CCDC80: variants seen among roughly 807,000 people sequenced by gnomAD.
The protein encoded by CCDC80 is coiled-coil domain-containing protein 80.
CCDC80 carries 49 observed loss-of-function variants against 78.7 expected under a neutral mutation model. That is an observed-to-expected ratio of 0.62 (90% CI 0.50 to 0.79). CCDC80 has a LOEUF of 0.79. Ranked by LOEUF, CCDC80 falls within the 30% of genes least tolerant of loss-of-function variation. The pLI, the probability that CCDC80 is intolerant of heterozygous loss-of-function variation, is 0.00. For missense variants in CCDC80, 1,205 were observed against 1,198.6 expected (o/e 1.01, Z -0.08); for synonymous variants, 488 against 447.0 (o/e 1.09, Z -1.16).
At position 112,638,684 on chromosome 3, in the gene CCDC80, G is replaced by T. The variant is rs1266372333; in HGVS notation, c.1222C>A (p.Pro408Thr). 10 of 1,614,034 alleles carry T rather than the reference G, an allele frequency of 6.2e-6. No individual in the cohort carries two copies. Among genetic ancestry groups the T allele is most frequent in the Admixed American group, 5.0e-5 (3 of 60,022 alleles). The change falls in exon 2 of 8, where the codon CCC becomes ACC. Residue 408 changes from proline (P) to threonine (T), a missense_variant. By Grantham distance (38) the Pro-to-Thr change is conservative (BLOSUM62 -1). Coordinates refer to ENST00000206423, the MANE Select transcript of CCDC80 (RefSeq NM_199511.3). ...GGGTAAAGATTCTCTGAAACTGAGG[G>T]TCTCCTGGCAGTGATCACCTCAGTG... Reference protein sequence around the residue: ...TTTEVITARRPSVSENLYPPS... With the variant: ...TTTEVITARRTSVSENLYPPS...
chr3:112,612,002 A>G (rs919012511), intron 5 of CCDC80, among the ~76,000 whole-genome samples: 7 of 151,646 alleles, frequency 4.6e-5, no homozygotes, highest in Non-Finnish European at 7.4e-5. Context: ...AAGGCTCGCC[A>G]AGTATTGCTT....
At chr3:112,633,341 C>T (rs1936136835) in intron 2 of CCDC80, among the ~76,000 whole-genome samples, 1 of 152,180 alleles carries the variant, frequency 6.6e-6, no homozygotes. Context: ...CTCATTCTTT[C>T]TTTCAATGCA....
intron 2 of CCDC80, among the ~76,000 whole-genome samples, chr3:112,630,767 T>C (rs1936081306): frequency 6.6e-6 from 1 of 152,210 alleles, no homozygotes; most frequent in South Asian, 2.1e-4. Flanking sequence ...TTCTGTGATT[T>C]AGAACTCTTA....
Position 112,638,569 on chromosome 3 carries a change from G to C in CCDC80, c.1337C>G (p.Pro446Arg). The C allele has an allele frequency of 6.2e-7, 1 of 1,614,118 alleles. No individual in the cohort carries two copies. The highest frequency in any genetic ancestry group is 8.5e-7 in the Non-Finnish European group (1 of 1,180,034). ...ATSLESFTNA[P>R]PTTISEPSTR... The stretch of plus-strand genomic sequence containing the variant: ...GCTGGGTTCTGAGATGGTGGTGGGA[G>C]GGGCATTTGTGAAGCTCTCCAAGCT... Residue 446 changes from proline to arginine, a missense_variant, in exon 2 of 8, where the codon CCT becomes CGT. Coordinates refer to ENST00000206423, the MANE Select transcript of CCDC80 (RefSeq NM_199511.3).
intron 7 of CCDC80, 94 bp downstream of exon 7, chr3:112,607,082 A>T: frequency 1.1e-6 from 1 of 874,570 alleles, no homozygotes; most frequent in Non-Finnish European, 1.8e-6. Flanking sequence ...AACTTTGTTC[A>T]CCTTAGAGAT....
intron 4 of CCDC80, among the ~76,000 whole-genome samples, chr3:112,617,234 A>ATAT (rs1298270690): frequency 6.6e-6 from 1 of 152,244 alleles, no homozygotes; most frequent in African/African-American, 2.4e-5. Flanking sequence ...AACTAAATGG[A>ATAT]ATAACATGTT....
rs1221997971 is a variant in CCDC80 at position 112,638,425 on chromosome 3, T to A, written c.1481A>T (p.Lys494Ile). 2 of 1,613,778 alleles carry A rather than the reference T, an allele frequency of 1.2e-6. No homozygotes were observed. The highest frequency in any genetic ancestry group is 8.5e-7 in the Non-Finnish European group (1 of 1,180,014). The part of the protein sequence containing the change: ...PPKPAKEKPP[K>I]KKAQDKILSN... Reference sequence around the variant, plus strand: ...AAGAATTTTGTCCTGGGCCTTCTTTTTGGGAGGTTTCTCCTTTGCTGGCTT... The same window carrying A: ...AAGAATTTTGTCCTGGGCCTTCTTTATGGGAGGTTTCTCCTTTGCTGGCTT... The change falls in exon 2 of 8, where the codon AAA (lysine) becomes ATA (isoleucine). Residue 494 changes from lysine to isoleucine, a missense_variant. By Grantham distance (102) the Lys-to-Ile change is moderately radical (BLOSUM62 -3). Coordinates refer to ENST00000206423, the MANE Select transcript of CCDC80 (RefSeq NM_199511.3).
intron 3 of CCDC80, among the ~76,000 whole-genome samples, chr3:112,625,425 A>T (rs1935946628): frequency 6.6e-6 from 1 of 152,230 alleles, no homozygotes; most frequent in Non-Finnish European, 1.5e-5. Flanking sequence ...ATGCACACAC[A>T]ATTTCACAAT....
At chr3:112,626,985 G>C (rs1468513188) in intron 3 of CCDC80, among the ~76,000 whole-genome samples, 2 of 152,006 alleles carry the variant, frequency 1.3e-5, no homozygotes, top group South Asian at 2.1e-4. Context: ...TCCTTTCTTT[G>C]AAAGAAGTTA....
At chr3:112,622,925 C>T (rs1036688772) in intron 3 of CCDC80, among the ~76,000 whole-genome samples, 1 of 151,408 alleles carries the variant, frequency 6.6e-6, no homozygotes, top group African/African-American at 2.4e-5. Context: ...ATTCACCCAC[C>T]TTAGCCTTCC....
rs768050571 is a variant in CCDC80, at chr3:112,599,492, A to G, written c.*5925T>C. On this transcript the variant is annotated 3_prime_UTR_variant, in exon 8 of 8. Transcript: ENST00000206423. ...CACACCATGAGGTAAAGGACAGCCAAGGAAGAGAAAGGAAAGAAAAGCAAT... is the reference window on the plus strand; with the variant it reads ...CACACCATGAGGTAAAGGACAGCCAGGGAAGAGAAAGGAAAGAAAAGCAAT... 2 of 152,446 alleles carry G rather than the reference A, an allele frequency of 1.3e-5. No individual in the cohort carries two copies. Among genetic ancestry groups the G allele is most frequent in the African/African-American group, 2.4e-5 (1 of 41,430 alleles). The allele number at this position is 152,446 out of a possible 1,614,324, so 9.4% of individuals were successfully genotyped here. A position where few individuals can be genotyped will look rare whatever the true frequency, so the allele number is the denominator to read the frequency against.
chr3:112,637,231 C>G lies in CCDC80; in HGVS notation c.1878+797G>C, dbSNP rs77097221. ...ACATGCACATACACATTTTACAGAGCCCCCGGAGAAACTGACATCTAGATT... is the reference window on the plus strand; with the variant it reads ...ACATGCACATACACATTTTACAGAGGCCCCGGAGAAACTGACATCTAGATT... On this transcript the variant is annotated intron_variant, in intron 2 of 7. Transcript: ENST00000206423. 7.9e-5 allele frequency among the ~76,000 whole-genome samples: 12 copies of G among 152,224 alleles called. No individual in the cohort carries two copies. The East Asian group carries it at 1.5e-3, about 20-fold the overall frequency.
intron 5 of CCDC80, among the ~76,000 whole-genome samples, chr3:112,613,645 G>A (rs1255924469): frequency 1.3e-5 from 2 of 152,126 alleles, no homozygotes; most frequent in Non-Finnish European, 2.9e-5. Context: ...CCTAGGGATG[G>A]TGAGAAGAAT....
chr3:112,619,311 A>G (rs1201303954), intron 3 of CCDC80, among the ~76,000 whole-genome samples: 1 of 152,234 alleles, frequency 6.6e-6, no homozygotes, highest in Non-Finnish European at 1.5e-5. Context: ...CTACTCTTCT[A>G]TAGATGATCA....
intron 6 of CCDC80, among the ~76,000 whole-genome samples, chr3:112,608,217 C>T (rs557748149): frequency 1.3e-5 from 2 of 152,304 alleles, no homozygotes; most frequent in East Asian, 3.9e-4. Context: ...AAAGTCCCAA[C>T]CTAGTCAGGA....
intron 3 of CCDC80, among the ~76,000 whole-genome samples, chr3:112,623,231 T>C (rs1440766316): frequency 1.3e-5 from 2 of 152,208 alleles, no homozygotes; most frequent in Non-Finnish European, 2.9e-5. Context: ...TACTAAATTT[T>C]TTCATGTATT....
intron 2 of CCDC80, among the ~76,000 whole-genome samples, chr3:112,636,581 C>A (rs1460240996): frequency 2.0e-5 from 3 of 152,218 alleles, no homozygotes; most frequent in East Asian, 3.8e-4. Flanking sequence ...TTCAAATGCA[C>A]ATTTAAACTT....
chr3:112,627,451 T>C (rs952325087), intron 3 of CCDC80, among the ~76,000 whole-genome samples: 1 of 152,254 alleles, frequency 6.6e-6, no homozygotes, highest in East Asian at 1.9e-4. Flanking sequence ...GTCCAAATAC[T>C]TTTAGCAAGA....
At chr3:112,610,640 C>T (rs1935604367) in intron 5 of CCDC80, among the ~76,000 whole-genome samples, 1 of 152,166 alleles carries the variant, frequency 6.6e-6, no homozygotes, top group Non-Finnish European at 1.5e-5. Flanking sequence ...GTACCTTCCT[C>T]AGTAGCCAGT....
Sources: allele counts gnomAD v4.1 joint callset (sites outside exome capture counted in the v4.1 genomes callset), GRCh38; gene constraint gnomAD v4.1.1; transcripts MANE v1.5; gene names NCBI Gene and HGNC (gene_info 2026-07-23, HGNC 2026-07-21).